The following LRRC4C variants were observed in gnomAD, a reference collection of about 807,000 sequenced individuals.
LRRC4C encodes leucine rich repeat containing 4C.
A neutral mutation model predicts 33.6 loss-of-function variants in LRRC4C; 5 were observed. That is an observed-to-expected ratio of 0.15 (90% CI 0.08 to 0.31). LRRC4C has a LOEUF of 0.31. LRRC4C is among the 10% of genes least tolerant of loss of function. The probability of loss-of-function intolerance (pLI) is 1.00; values close to 1 mark genes in which losing one functional copy is unlikely to be tolerated. For synonymous variants in LRRC4C, 329 were observed against 302.0 expected, an observed-to-expected ratio of 1.09 and a Z score of -0.93; for missense variants, 560 against 796.7, an observed-to-expected ratio of 0.70 and a Z score of 3.58.
In LRRC4C at chr11:41,067,458, A is replaced by C. The variant is rs576856485; in HGVS notation, c.-495-133735T>G. On this transcript the variant is annotated intron_variant, in intron 1 of 6. Coordinates refer to ENST00000528697, the MANE Select transcript of LRRC4C (RefSeq NM_001258419.2). ...TACAAAGAGACTTAGACTCCCACAC[A>C]ATAACAGTAGAAGACTTTAACACCC... Among the ~76,000 whole-genome samples the C allele has an allele frequency of 2.0e-5, 3 of 152,316 alleles. No individual in the cohort carries two copies. In the South Asian group the frequency reaches 6.2e-4, roughly 32 times the overall value.
At chr11:40,628,480 A>AAAAAC (rs79916766) in intron 3 of LRRC4C, among the ~76,000 whole-genome samples, 57,075 of 150,852 alleles carry the variant, frequency 0.38, 12,876 homozygotes, top group Middle Eastern at 0.53. Context: ...TCCATCTCAA[A>AAAAAC]AAAACAAAAC....
At chr11:40,221,934 C>T (rs533345452) in intron 5 of LRRC4C, among the ~76,000 whole-genome samples, 1 of 152,118 alleles carries the variant, frequency 6.6e-6, no homozygotes, top group Non-Finnish European at 1.5e-5. Context: ...GGAGTCTCGT[C>T]GATGCCCTCG....
At chr11:40,621,181 T>C (rs544326790) in intron 3 of LRRC4C, among the ~76,000 whole-genome samples, 1 of 151,948 alleles carries the variant, frequency 6.6e-6, no homozygotes, top group East Asian at 1.9e-4. Flanking sequence ...AGGAAATCAG[T>C]GCACCAAGAG....
At chr11:41,347,769 C>T (rs997801156) in intron 1 of LRRC4C, among the ~76,000 whole-genome samples, 4 of 152,116 alleles carry the variant, frequency 2.6e-5, no homozygotes, top group Non-Finnish European at 5.9e-5. Flanking sequence ...TATCTCCTAT[C>T]CACATTTCAG....
intron 4 of LRRC4C, among the ~76,000 whole-genome samples, chr11:40,302,134 G>C (rs543890150): frequency 6.6e-6 from 1 of 152,252 alleles, no homozygotes; most frequent in East Asian, 1.9e-4. Flanking sequence ...GGCTAATAAA[G>C]ACTGTGAGGT....
chr11:41,452,496 A>T (rs759158618), intron 1 of LRRC4C, among the ~76,000 whole-genome samples: 2 of 152,156 alleles, frequency 1.3e-5, no homozygotes, highest in Admixed American at 1.3e-4. Flanking sequence ...TGACAGTTTT[A>T]AGTGGAAGAA....
chr11:40,474,289 C>T (rs903368773), intron 3 of LRRC4C, among the ~76,000 whole-genome samples: 1 of 152,130 alleles, frequency 6.6e-6, no homozygotes, highest in African/African-American at 2.4e-5. Context: ...ACATCTACAA[C>T]CATTGGATCT....
At chr11:40,519,523 A>G (rs1305098836) in intron 3 of LRRC4C, among the ~76,000 whole-genome samples, 1 of 152,120 alleles carries the variant, frequency 6.6e-6, no homozygotes, top group Non-Finnish European at 1.5e-5. Flanking sequence ...CACCTCTCTT[A>G]GCCATATAAA....
At chr11:40,716,838 C>G (rs1340045462) in intron 2 of LRRC4C, among the ~76,000 whole-genome samples, 1 of 152,082 alleles carries the variant, frequency 6.6e-6, no homozygotes, top group East Asian at 1.9e-4. Flanking sequence ...TGGTGGGGAG[C>G]TGCATTTTAC....
intron 3 of LRRC4C, among the ~76,000 whole-genome samples, chr11:40,321,205 T>C (rs1362591250): frequency 6.6e-6 from 1 of 152,164 alleles, no homozygotes; most frequent in Non-Finnish European, 1.5e-5. Context: ...CCCTCACATA[T>C]CTTCCAGAGG....
At chr11:40,202,604 G>A (rs999581999) in intron 5 of LRRC4C, among the ~76,000 whole-genome samples, 1 of 152,100 alleles carries the variant, frequency 6.6e-6, no homozygotes, top group African/African-American at 2.4e-5. Flanking sequence ...CCCGAATAGG[G>A]GAAGGGCCAT....
rs375806008 is a variant in LRRC4C at position 41,250,149 on chromosome 11, A to G, written c.-496+209282T>C. On this transcript the variant is annotated intron_variant, in intron 1 of 6. Coordinates refer to ENST00000528697, the MANE Select transcript of LRRC4C (RefSeq NM_001258419.2). Reference sequence around the variant, plus strand: ...ATGCCACTGCACTCCAGCCTGGGCAACAGAGCAAGACTTCATCTCAAAAAA... The same window carrying G: ...ATGCCACTGCACTCCAGCCTGGGCAGCAGAGCAAGACTTCATCTCAAAAAA... 4.6e-5 allele frequency among the ~76,000 whole-genome samples: 7 copies of G among 152,304 alleles called. No individual in the cohort carries two copies. In the East Asian group the frequency reaches 1.2e-3, roughly 25 times the overall value.
intron 1 of LRRC4C, among the ~76,000 whole-genome samples, chr11:41,159,066 C>T (rs78280807): frequency 0.029 from 4,402 of 152,094 alleles, 83 homozygotes; most frequent in Middle Eastern, 0.078. Context: ...AGAAATGTTG[C>T]TTGAGGTCAG....
intron 6 of LRRC4C, among the ~76,000 whole-genome samples, chr11:40,129,652 G>T (rs987786690): frequency 6.6e-6 from 1 of 152,158 alleles, no homozygotes; most frequent in Non-Finnish European, 1.5e-5. Flanking sequence ...AATTCCTAGA[G>T]TCAGCAAATG....
intron 2 of LRRC4C, among the ~76,000 whole-genome samples, chr11:40,886,418 C>CAG (rs2136067807): frequency 6.6e-6 from 1 of 151,468 alleles, no homozygotes; most frequent in African/African-American, 2.4e-5. Context: ...CACACACACA[C>CAG]ACACACACAC....
chr11:41,279,602 C>T (rs1430629586), intron 1 of LRRC4C, among the ~76,000 whole-genome samples: 2 of 152,138 alleles, frequency 1.3e-5, no homozygotes, highest in Non-Finnish European at 2.9e-5. Context: ...ACTTCCCTCA[C>T]TCCCTTCTCC....
chr11:40,528,723 A>G (rs1956157803), intron 3 of LRRC4C, among the ~76,000 whole-genome samples: 1 of 152,218 alleles, frequency 6.6e-6, no homozygotes, highest in South Asian at 2.1e-4. Flanking sequence ...ACAATAGCCA[A>G]CTTAAGGGAA....
At chr11:40,406,517 T>C (rs765365477) in intron 3 of LRRC4C, among the ~76,000 whole-genome samples, 7 of 152,138 alleles carry the variant, frequency 4.6e-5, no homozygotes, top group South Asian at 2.1e-4. Context: ...GCAGTATACA[T>C]ATTAATTGAA....
At chr11:40,388,763 C>T (rs936025640) in intron 3 of LRRC4C, among the ~76,000 whole-genome samples, 3 of 152,126 alleles carry the variant, frequency 2.0e-5, no homozygotes, top group Non-Finnish European at 2.9e-5. Context: ...GTTTAGTGTG[C>T]ACACTGAATC....
Sources: allele counts gnomAD v4.1 joint callset (sites outside exome capture counted in the v4.1 genomes callset), GRCh38; gene constraint gnomAD v4.1.1; transcripts MANE v1.5; gene names NCBI Gene and HGNC (gene_info 2026-07-23, HGNC 2026-07-21).